The following PCDHGB3 variants were observed in gnomAD, a reference collection of about 807,000 sequenced individuals.
PCDHGB3 encodes protocadherin gamma-B3.
Under a neutral mutation model 59.2 loss-of-function variants are expected in PCDHGB3, and 40 were observed. The ratio of observed to expected loss-of-function variants is 0.68; its 90% CI spans 0.52 to 0.88. The LOEUF is 0.88. PCDHGB3 is among the 40% of genes least tolerant of loss of function. PCDHGB3 has a pLI of 0.00. For missense variants in PCDHGB3, 1,309 were observed against 1,187.9 expected (o/e 1.10, Z -1.50); for synonymous variants, 581 against 503.6 (o/e 1.15, Z -2.06).
At position 141,389,253 on chromosome 5, in the gene PCDHGB3, G is replaced by T. The variant is rs998614321; in HGVS notation, c.2415+16444G>T. The stretch of plus-strand genomic sequence containing the variant: ...GGTTTTCTCACAGTCTTCCTATATA[G>T]TCCACGTGGCCGAGAACAACCCGCC... On this transcript the variant is annotated intron_variant, in intron 1 of 3. Transcript: ENST00000576222. 1.9e-6 allele frequency: 3 copies of T among 1,613,892 alleles called. No homozygotes were observed. The highest frequency in any genetic ancestry group is 2.5e-6 in the Non-Finnish European group (3 of 1,179,902).
rs1310685846 is a variant in PCDHGB3, at chr5:141,423,037, T to C, written c.2415+50228T>C. ...GGACAAAGATTCAGGCCAGAACGCCTGGCTGTCCTATCGCCTGCTTAAGGC... is the reference window on the plus strand; with the variant it reads ...GGACAAAGATTCAGGCCAGAACGCCCGGCTGTCCTATCGCCTGCTTAAGGC... On this transcript the variant is annotated intron_variant, in intron 1 of 3. Transcript: ENST00000576222. 5 of 1,614,086 alleles carry C rather than the reference T, an allele frequency of 3.1e-6. No homozygotes were observed. In the African/African-American group the frequency reaches 5.3e-5, roughly 17 times the overall value.
chr5:141,427,793 G>C, intron 1 of PCDHGB3: 1 of 1,495,528 alleles, frequency 6.7e-7, no homozygotes, highest in Non-Finnish European at 9.2e-7. Flanking sequence ...CGTCCTACGT[G>C]TCCGTGAGCG....
intron 1 of PCDHGB3, chr5:141,384,141 ACT>A (rs765902130): frequency 2.4e-5 from 38 of 1,612,656 alleles, no homozygotes; most frequent in Admixed American, 1.8e-4. Context: ...ACCGGGAAAC[ACT>A]CTCTTTGTAT....
chr5:141,486,561 T>C lies in PCDHGB3; in HGVS notation c.2416-8246T>C. ...TTCTTTCAGAGGTCACATGAGGTGT[T>C]TGTTCCTGAGAACAATCGCCCAGGG... On this transcript the variant is annotated intron_variant, in intron 1 of 3. Transcript: ENST00000576222. This position sits in a 1 kb window ranked among gnomAD's most constrained non-coding sequence, Gnocchi z 5.0. 6.2e-7 allele frequency: 1 copy of C among 1,614,076 alleles called. No individual in the cohort carries two copies. Among genetic ancestry groups the C allele is most frequent in the Non-Finnish European group, 8.5e-7 (1 of 1,180,030 alleles).
chr5:141,429,476 A>T (rs1279691939), intron 1 of PCDHGB3, among the ~76,000 whole-genome samples: 1 of 152,112 alleles, frequency 6.6e-6, no homozygotes, highest in Non-Finnish European at 1.5e-5. Flanking sequence ...CAATCTCCAG[A>T]GTAGCTGAGA....
At position 141,486,778 on chromosome 5, in the gene PCDHGB3, G is replaced by A. The variant is rs750169906; in HGVS notation, c.2416-8029G>A. The A allele has an allele frequency of 1.2e-6, 2 of 1,614,104 alleles. No individual in the cohort carries two copies. Among genetic ancestry groups the A allele is most frequent in the Admixed American group, 1.7e-5 (1 of 60,006 alleles). ...AAACCCAGACACTGCAGTTTGAGGT[G>A]CAGGCCCGGGATCGGGGCAACCCAC... is the stretch of plus-strand genomic sequence containing the variant. On this transcript the variant is annotated intron_variant, in intron 1 of 3. Coordinates refer to ENST00000576222, the MANE Select transcript of PCDHGB3 (RefSeq NM_018924.5). This position sits in a 1 kb window ranked among gnomAD's most constrained non-coding sequence, Gnocchi z 5.0.
chr5:141,394,493 C>T (rs749651115), intron 1 of PCDHGB3: 2 of 1,614,222 alleles, frequency 1.2e-6, no homozygotes, highest in Non-Finnish European at 1.7e-6. Flanking sequence ...ACAACGCGCC[C>T]GAGATCCTGT....
rs763239421 is a variant in PCDHGB3, at chr5:141,477,265, G to C, written c.2416-17542G>C. 1 of 1,614,198 alleles carries C rather than the reference G, an allele frequency of 6.2e-7. No homozygotes were observed. Among genetic ancestry groups the C allele is most frequent in the Admixed American group, 1.7e-5 (1 of 60,020 alleles). On this transcript the variant is annotated intron_variant, in intron 1 of 3. Coordinates refer to ENST00000576222, the MANE Select transcript of PCDHGB3 (RefSeq NM_018924.5). The surrounding 1 kb of genome is among the most constrained non-coding windows in gnomAD (Gnocchi z 4.9). ...GTGTGACTGACCTGGATGCTGGCGA[G>C]AACGGGCTGGTGACCTGCGAAGTTC...
chr5:141,410,140 G>GCGTGA, intron 1 of PCDHGB3: 1 of 1,612,782 alleles, frequency 6.2e-7, no homozygotes, highest in Non-Finnish European at 8.5e-7. Flanking sequence ...TGGTCGCTGT[G>GCGTGA]CGTGACGGTG....
chr5:141,505,507 A>G, intron 3 of PCDHGB3, 26 bp downstream of exon 3: 1 of 1,614,004 alleles, frequency 6.2e-7, no homozygotes, highest in South Asian at 1.1e-5. Flanking sequence ...GTGTGTATGG[A>G]AGAGTGGGAG....
rs2099710219 is a variant in PCDHGB3, at chr5:141,491,289, C to A, written c.2416-3518C>A. On this transcript the variant is annotated intron_variant, in intron 1 of 3. Transcript: ENST00000576222. The surrounding 1 kb of genome is among the most constrained non-coding windows in gnomAD (Gnocchi z 6.9). The stretch of plus-strand genomic sequence containing the variant: ...CCAAATCCAGTGACTTCCTCATACA[C>A]CCTCCTGAGCGTTCAGACCTTACCC... 1 of 1,614,112 alleles carries A rather than the reference C, an allele frequency of 6.2e-7. No homozygotes were observed. Among genetic ancestry groups the A allele is most frequent in the Non-Finnish European group, 8.5e-7 (1 of 1,179,942 alleles).
At position 141,400,743 on chromosome 5, in the gene PCDHGB3, C is replaced by T. The variant is rs1404866842; in HGVS notation, c.2415+27934C>T. 6.5e-6 allele frequency: 4 copies of T among 611,214 alleles called. No individual in the cohort carries two copies. In the East Asian group the frequency reaches 1.1e-4, roughly 17 times the overall value. 37.9% of individuals were successfully genotyped at this position (611,214 alleles called of 1,614,324 possible). A position where few individuals can be genotyped will look rare whatever the true frequency, so the allele number is the denominator to read the frequency against. On this transcript the variant is annotated intron_variant, in intron 1 of 3. Coordinates refer to ENST00000576222, the MANE Select transcript of PCDHGB3 (RefSeq NM_018924.5). ...ATTTACAAAGTAGTGAGAGTTTGCTCTTAGCTTCCTCTCTAGCAAAAACAT... is the reference window on the plus strand; with the variant it reads ...ATTTACAAAGTAGTGAGAGTTTGCTTTTAGCTTCCTCTCTAGCAAAAACAT...
intron 1 of PCDHGB3, chr5:141,384,813 C>G: frequency 6.2e-7 from 1 of 1,613,412 alleles, no homozygotes. Flanking sequence ...GAGATGCCCT[C>G]AAGCAGAGCC....
chr5:141,447,658 A>C (rs114314834), intron 1 of PCDHGB3, among the ~76,000 whole-genome samples: 3,576 of 152,302 alleles, frequency 0.023, 90 homozygotes, highest in Non-Finnish European at 0.03. Context: ...TTTCCCCCCC[A>C]GGAAGTTAGA....
intron 1 of PCDHGB3, chr5:141,411,270 A>G (rs1299052773): frequency 6.6e-6 from 1 of 152,160 alleles, no homozygotes; most frequent in African/African-American, 2.4e-5. Context: ...ATATTTTTAA[A>G]GCCTAAAAAT....
intron 1 of PCDHGB3, chr5:141,393,960 G>T: frequency 6.2e-7 from 1 of 1,613,944 alleles, no homozygotes; most frequent in South Asian, 1.1e-5. Context: ...TGGTCAAGTT[G>T]TCTGTTACAC....
intron 2 of PCDHGB3, among the ~76,000 whole-genome samples, chr5:141,496,207 T>C (rs973745475): frequency 6.6e-6 from 1 of 152,134 alleles, no homozygotes; most frequent in Non-Finnish European, 1.5e-5. Flanking sequence ...CAATCTGGTA[T>C]GAATTCCTGC....
intron 1 of PCDHGB3, chr5:141,395,088 C>T (rs778953049): frequency 4.3e-6 from 7 of 1,614,194 alleles, no homozygotes; most frequent in African/African-American, 1.3e-5. Flanking sequence ...GGAAGTCTCC[C>T]TCACCGCCGA....
At chr5:141,428,122 G>T in intron 1 of PCDHGB3, 1 of 1,606,172 alleles carries the variant, frequency 6.2e-7, no homozygotes, top group Non-Finnish European at 8.5e-7. Flanking sequence ...ATCGAGCCCG[G>T]GCTTTTCAGC....
Sources: gnomAD v4.1 joint callset for allele counts (sites outside exome capture counted in the v4.1 genomes callset) on GRCh38, gnomAD v4.1.1 for gene constraint, Gnocchi (gnomAD v3.1) non-coding constraint, MANE v1.5 for transcripts, NCBI Gene and HGNC (gene_info 2026-07-23, HGNC 2026-07-21) for gene names.